C10orf90: variants seen among roughly 807,000 people sequenced by gnomAD.
The protein encoded by C10orf90 is chromosome 10 open reading frame 90, also known as (E2-independent) E3 ubiquitin-conjugating enzyme FATS.
In C10orf90, 56 loss-of-function variants were observed where a neutral mutation model predicts 62.5. The observed-to-expected ratio is 0.90, with a 90% CI of 0.72 to 1.12. The LOEUF is 1.12. Ranked by LOEUF, C10orf90 falls within the 50% of genes most tolerant of loss-of-function variation. The pLI is 0.00. For missense variants in C10orf90, 970 were observed against 880.4 expected (o/e 1.10, Z -1.29); for synonymous variants, 386 against 340.4 (o/e 1.13, Z -1.47).
chr10:126,583,453 A>G (rs377378118), intron 2 of C10orf90, among the ~76,000 whole-genome samples: 1 of 152,212 alleles, frequency 6.6e-6, no homozygotes. Context: ...ATTCAACTTT[A>G]TATTTCAGGT....
chr10:126,604,511 C>T (rs1845266279), intron 2 of C10orf90, among the ~76,000 whole-genome samples: 1 of 152,204 alleles, frequency 6.6e-6, no homozygotes, highest in African/African-American at 2.4e-5. Context: ...AAGCTCAGCT[C>T]TGCTATTCAA....
intron 1 of C10orf90, among the ~76,000 whole-genome samples, chr10:126,670,012 G>A (rs1846715506): frequency 6.6e-6 from 1 of 152,102 alleles, no homozygotes; most frequent in African/African-American, 2.4e-5. Flanking sequence ...GCAGACATGT[G>A]TCATCGTAAA....
intron 7 of C10orf90, among the ~76,000 whole-genome samples, chr10:126,454,487 C>T (rs962060012): frequency 6.6e-6 from 1 of 151,866 alleles, no homozygotes; most frequent in Non-Finnish European, 1.5e-5. Context: ...AAGGCTGTGC[C>T]CCTACGACCT....
At chr10:126,575,042 C>T (rs955935341) in intron 2 of C10orf90, among the ~76,000 whole-genome samples, 1 of 151,816 alleles carries the variant, frequency 6.6e-6, no homozygotes, top group African/African-American at 2.4e-5. Flanking sequence ...AAAACAGAAG[C>T]ATTAGAAAGG....
At chr10:126,610,193 G>T (rs1845403452) in intron 2 of C10orf90, among the ~76,000 whole-genome samples, 1 of 152,202 alleles carries the variant, frequency 6.6e-6, no homozygotes, top group South Asian at 2.1e-4. Flanking sequence ...CTTCTAGGGG[G>T]TTCACCCAAG....
intron 6 of C10orf90, 138 bp from the exon 7 acceptor site, chr10:126,459,355 C>A: frequency 3.2e-6 from 3 of 923,696 alleles, no homozygotes; most frequent in South Asian, 2.9e-5. Context: ...GTACGTCACG[C>A]TTTTCTTGCA....
At position 126,496,665 on chromosome 10, in the gene C10orf90, C is replaced by T. The variant is rs139415696; in HGVS notation, c.1534+7292G>A. ...TTACTTTTCACAACCTACCTCTTGG[C>T]GGTGAGTCTTTCATCGCTCCTCACC... On this transcript the variant is annotated intron_variant, in intron 4 of 9. Coordinates refer to ENST00000488181, the MANE Select transcript of C10orf90 (RefSeq NM_001350921.2). 4.3e-5 allele frequency: 42 copies of T among 985,364 alleles called. No homozygotes were observed. The East Asian group carries it at 1.5e-3, about 35-fold the overall frequency. The allele number at this position is 985,364 out of a possible 1,614,324, so 61.0% of individuals were successfully genotyped here. A position where few individuals can be genotyped will look rare whatever the true frequency, so the allele number is the denominator to read the frequency against.
At chr10:126,518,572 G>C (rs1863567028) in intron 2 of C10orf90, among the ~76,000 whole-genome samples, 1 of 151,886 alleles carries the variant, frequency 6.6e-6, no homozygotes, top group South Asian at 2.1e-4. Flanking sequence ...AACATCATGA[G>C]AGCCAGCATG....
chr10:126,645,326 G>A (rs1484739434), intron 2 of C10orf90, among the ~76,000 whole-genome samples: 1 of 151,410 alleles, frequency 6.6e-6, no homozygotes, highest in East Asian at 1.9e-4. Context: ...CTAGCACTTT[G>A]GGAGGCTGAG....
At chr10:126,436,599 G>C (rs1396614047) in intron 7 of C10orf90, among the ~76,000 whole-genome samples, 1 of 152,092 alleles carries the variant, frequency 6.6e-6, no homozygotes, top group African/African-American at 2.4e-5. Flanking sequence ...ATGTGCTTTG[G>C]GACAAGCTAC....
chr10:126,494,186 C>T (rs1269506183), intron 4 of C10orf90, among the ~76,000 whole-genome samples: 4 of 152,160 alleles, frequency 2.6e-5, no homozygotes, highest in South Asian at 4.1e-4. Flanking sequence ...ACACCAGGGC[C>T]GTTCATCTGC....
chr10:126,434,140 T>A (rs1857760869), intron 7 of C10orf90, among the ~76,000 whole-genome samples: 1 of 152,192 alleles, frequency 6.6e-6, no homozygotes, highest in African/African-American at 2.4e-5. Context: ...AACAACCAGG[T>A]ACCAAGATTT....
At chr10:126,500,568 T>C (rs1862318982) in intron 4 of C10orf90, among the ~76,000 whole-genome samples, 1 of 152,156 alleles carries the variant, frequency 6.6e-6, no homozygotes, top group African/African-American at 2.4e-5. Context: ...AAATTTTTTA[T>C]GATAGATTCG....
chr10:126,506,880 A>T (rs542466232), intron 3 of C10orf90, among the ~76,000 whole-genome samples: 6 of 152,194 alleles, frequency 3.9e-5, no homozygotes, highest in African/African-American at 1.4e-4. Flanking sequence ...CACTAGCTGG[A>T]CATTTGGCAT....
rs568845581 is a variant in C10orf90, at chr10:126,456,979, T to C, written c.2188+2061A>G. Among the ~76,000 whole-genome samples the C allele has an allele frequency of 9.3e-3, 1,422 of 152,232 alleles. 15 individuals carry two copies. Among genetic ancestry groups the C allele is most frequent in the African/African-American group, 0.031 (1,302 of 41,544 alleles). The stretch of plus-strand genomic sequence containing the variant: ...AGTTTCTGGGCTTGTTTTGTTTTTG[T>C]TTTTGCTTTTGTATTTTGCTTTTTC... On this transcript the variant is annotated intron_variant, in intron 7 of 9. Transcript: ENST00000488181. This position sits in a 1 kb window ranked among gnomAD's most constrained non-coding sequence, Gnocchi z 4.9.
intron 2 of C10orf90, chr10:126,520,429 A>G (rs1235186507): frequency 6.6e-6 from 1 of 152,170 alleles, no homozygotes; most frequent in African/African-American, 2.4e-5. Flanking sequence ...CAGGTTAGAA[A>G]TCCTTAAACC....
intron 2 of C10orf90, among the ~76,000 whole-genome samples, chr10:126,612,181 C>T (rs1228729185): frequency 6.6e-6 from 1 of 152,134 alleles, no homozygotes; most frequent in Non-Finnish European, 1.5e-5. Context: ...ATTAGCTGCG[C>T]ATGGAGGCGC....
chr10:126,588,751 G>C (rs1844924106), intron 2 of C10orf90, among the ~76,000 whole-genome samples: 1 of 152,196 alleles, frequency 6.6e-6, no homozygotes, highest in Non-Finnish European at 1.5e-5. Flanking sequence ...AGATGAGAGA[G>C]AATCAGTGCA....
At chr10:126,505,679 G>A (rs1862690814) in intron 3 of C10orf90, among the ~76,000 whole-genome samples, 1 of 152,224 alleles carries the variant, frequency 6.6e-6, no homozygotes, top group Admixed American at 6.5e-5. Flanking sequence ...GCCCAGCTGG[G>A]CATGGTGGCT....
Sources: gnomAD v4.1 joint callset for allele counts (sites outside exome capture counted in the v4.1 genomes callset) on GRCh38, gnomAD v4.1.1 for gene constraint, Gnocchi (gnomAD v3.1) non-coding constraint, MANE v1.5 for transcripts, NCBI Gene and HGNC (gene_info 2026-07-23, HGNC 2026-07-21) for gene names.